PTPRG: variants seen among roughly 807,000 people sequenced by gnomAD.
The protein encoded by PTPRG is receptor-type tyrosine-protein phosphatase gamma.
Under a neutral mutation model 165.3 loss-of-function variants are expected in PTPRG, and 102 were observed. That is an observed-to-expected ratio of 0.62 (90% CI 0.53 to 0.73). The LOEUF (loss-of-function observed/expected upper bound fraction) is 0.73. Ranked by LOEUF, PTPRG falls within the 30% of genes least tolerant of loss-of-function variation. PTPRG has a pLI of 0.00. For synonymous variants in PTPRG, 675 were observed against 669.5 expected (o/e 1.01, Z -0.13); for missense variants, 1,866 against 1,861.4 (o/e 1.00, Z -0.05).
At chr3:62,014,359 T>C (rs1422133998) in intron 4 of PTPRG, among the ~76,000 whole-genome samples, 1 of 152,102 alleles carries the variant, frequency 6.6e-6, no homozygotes, top group Non-Finnish European at 1.5e-5. Flanking sequence ...GCTGGGCAAA[T>C]TTACCAAAAC....
At chr3:62,152,841 T>G (rs1704385818) in intron 6 of PTPRG, among the ~76,000 whole-genome samples, 1 of 152,300 alleles carries the variant, frequency 6.6e-6, no homozygotes, top group Admixed American at 6.5e-5. Flanking sequence ...CCTTTCCCAC[T>G]TCCCACCCCC....
chr3:61,723,141 A>G (rs1177010688), intron 1 of PTPRG, among the ~76,000 whole-genome samples: 3 of 152,158 alleles, frequency 2.0e-5, no homozygotes, highest in African/African-American at 7.2e-5. Flanking sequence ...CATATAATCC[A>G]TCCTTTAATT....
chr3:61,972,323 G>T (rs1460670465), intron 2 of PTPRG, among the ~76,000 whole-genome samples: 2 of 152,198 alleles, frequency 1.3e-5, no homozygotes, highest in Admixed American at 1.3e-4. Flanking sequence ...GTAAATTTGG[G>T]CAGAGGCCAG....
chr3:61,567,448 G>T (rs1230432248), intron 1 of PTPRG, among the ~76,000 whole-genome samples: 2 of 152,010 alleles, frequency 1.3e-5, no homozygotes, highest in Non-Finnish European at 2.9e-5. Flanking sequence ...GAGGCGGGAG[G>T]GTCACTTGAG....
At chr3:61,656,740 T>C (rs1271696905) in intron 1 of PTPRG, among the ~76,000 whole-genome samples, 2 of 152,208 alleles carry the variant, frequency 1.3e-5, no homozygotes, top group African/African-American at 2.4e-5. Flanking sequence ...TTGAAGATAT[T>C]TTCCTTAGCT....
intron 2 of PTPRG, among the ~76,000 whole-genome samples, chr3:61,871,995 CT>C (rs557985282): frequency 1.0e-3 from 153 of 152,336 alleles, no homozygotes; most frequent in Non-Finnish European, 1.5e-3. Flanking sequence ...CCTGCTTGCT[CT>C]ATTCTTTTTA....
chr3:61,901,018 C>T (rs2038486007), intron 2 of PTPRG, among the ~76,000 whole-genome samples: 1 of 152,176 alleles, frequency 6.6e-6, no homozygotes, highest in African/African-American at 2.4e-5. Flanking sequence ...GCGCCTGGAA[C>T]ATACTAAGTG....
At chr3:61,930,074 T>C (rs2039320943) in intron 2 of PTPRG, among the ~76,000 whole-genome samples, 1 of 149,792 alleles carries the variant, frequency 6.7e-6, no homozygotes, top group Non-Finnish European at 1.5e-5. Context: ...CTCCTACAAA[T>C]TGCTTTTAAA....
intron 2 of PTPRG, among the ~76,000 whole-genome samples, chr3:61,882,082 T>C (rs548005107): frequency 2.6e-5 from 4 of 152,216 alleles, no homozygotes; most frequent in Non-Finnish European, 5.9e-5. Context: ...ACTGACAGTA[T>C]ACCCCCTTTT....
At chr3:61,915,456 A>C (rs2038911255) in intron 2 of PTPRG, among the ~76,000 whole-genome samples, 2 of 152,136 alleles carry the variant, frequency 1.3e-5, no homozygotes, top group South Asian at 4.1e-4. Flanking sequence ...TTGAGCTGAA[A>C]TCTGATTAAT....
At chr3:62,013,528 T>A (rs1207060025) in intron 4 of PTPRG, among the ~76,000 whole-genome samples, 1 of 152,204 alleles carries the variant, frequency 6.6e-6, no homozygotes, top group Non-Finnish European at 1.5e-5. Context: ...AAATGTATTG[T>A]ATGCAGTATT....
chr3:61,983,981 T>C (rs892011319), intron 2 of PTPRG, among the ~76,000 whole-genome samples: 8 of 152,184 alleles, frequency 5.3e-5, no homozygotes, highest in African/African-American at 1.9e-4. Context: ...AACTCTGCCT[T>C]AAAGAAACTG....
intron 2 of PTPRG, among the ~76,000 whole-genome samples, chr3:61,948,112 G>T (rs747828035): frequency 1.3e-5 from 2 of 152,076 alleles, no homozygotes; most frequent in Admixed American, 1.3e-4. Flanking sequence ...ATCACCTGAG[G>T]TCGGGAGTTC....
intron 1 of PTPRG, among the ~76,000 whole-genome samples, chr3:61,585,946 C>G (rs980875445): frequency 6.6e-6 from 1 of 152,156 alleles, no homozygotes; most frequent in African/African-American, 2.4e-5. Context: ...TGCTGCCTAC[C>G]TTGGGGAACC....
In PTPRG at chr3:62,045,194, G is replaced by A. The variant is rs538894144; in HGVS notation, c.520-32969G>A. Among the ~76,000 whole-genome samples, 8 of 152,240 alleles carry A rather than the reference G, an allele frequency of 5.3e-5. No homozygotes were observed. The South Asian group carries it at 1.5e-3, about 28-fold the overall frequency. On this transcript the variant is annotated intron_variant, in intron 4 of 29. Transcript: ENST00000474889. The stretch of plus-strand genomic sequence containing the variant: ...GCAAACCGTCTTAGGTTGAATATTC[G>A]CTGTTCAATTCAGGAAGAAGTTTCC...
intron 8 of PTPRG, among the ~76,000 whole-genome samples, chr3:62,187,709 C>T (rs968925713): frequency 5.9e-5 from 9 of 152,184 alleles, no homozygotes; most frequent in Non-Finnish European, 1.0e-4. Context: ...GCAAATGCCT[C>T]CTCCAAATTT....
chr3:62,025,421 A>C (rs183170726), intron 4 of PTPRG, among the ~76,000 whole-genome samples: 134 of 152,316 alleles, frequency 8.8e-4, no homozygotes, highest in Middle Eastern at 3.4e-3. Context: ...ATTTTCAATT[A>C]AATATAATGG....
intron 6 of PTPRG, among the ~76,000 whole-genome samples, chr3:62,137,051 G>A (rs1703736288): frequency 6.6e-6 from 1 of 152,114 alleles, no homozygotes. Context: ...TAAATAGAAT[G>A]GAGTGAGGTG....
intron 23 of PTPRG, among the ~76,000 whole-genome samples, chr3:62,274,583 A>G (rs747153848): frequency 5.9e-5 from 9 of 152,180 alleles, no homozygotes; most frequent in Admixed American, 1.3e-4. Context: ...CTCCCTTTGT[A>G]TCAAGATTCA....
Sources: allele counts gnomAD v4.1 joint callset (sites outside exome capture counted in the v4.1 genomes callset), GRCh38; gene constraint gnomAD v4.1.1; transcripts MANE v1.5; gene names NCBI Gene and HGNC (gene_info 2026-07-23, HGNC 2026-07-21).